The following RSRC1 variants were observed in gnomAD, a reference collection of about 807,000 sequenced individuals.
RSRC1 encodes the protein arginine and serine rich coiled-coil 1.
Under a neutral mutation model 49.1 loss-of-function variants are expected in RSRC1, and 39 were observed. That is an observed-to-expected ratio of 0.79 (90% CI 0.61 to 1.04). RSRC1 has a LOEUF of 1.04. RSRC1 is among the 50% of genes least tolerant of loss of function. The pLI is 0.00. For missense variants in RSRC1, 388 were observed against 402.4 expected, an observed-to-expected ratio of 0.96 and a Z score of 0.31; for synonymous variants, 143 against 130.8, an observed-to-expected ratio of 1.09 and a Z score of -0.63.
intron 3 of RSRC1, among the ~76,000 whole-genome samples, chr3:158,188,171 G>C (rs1271745913): frequency 6.6e-6 from 1 of 151,714 alleles, no homozygotes; most frequent in Non-Finnish European, 1.5e-5. Flanking sequence ...CTCCACTCTG[G>C]CTAGTGGGAA....
At chr3:158,425,209 G>A (rs1315146805) in intron 6 of RSRC1, among the ~76,000 whole-genome samples, 6 of 151,906 alleles carry the variant, frequency 3.9e-5, no homozygotes, top group Admixed American at 2.0e-4. Context: ...TTTGTCTTGT[G>A]GGCATTTAGT....
At position 158,265,631 on chromosome 3, in the gene RSRC1, C is replaced by CAA. The variant is rs63157561; in HGVS notation, c.495-32397_495-32396dup. 5.7e-3 allele frequency among the ~76,000 whole-genome samples: 847 copies of CAA among 147,878 alleles called. 11 individuals carry two copies. The highest frequency in any genetic ancestry group is 7.3e-3 in the South Asian group (34 of 4,632). On this transcript the variant is annotated intron_variant, in intron 4 of 9. Coordinates refer to ENST00000611884, the MANE Select transcript of RSRC1 (RefSeq NM_001271838.2). The stretch of plus-strand genomic sequence containing the variant: ...GGGTGACAACAGTGAAACTCAGTCT[C>CAA]AAAAAAAAAAAATTTTACTCCAATC...
intron 5 of RSRC1, among the ~76,000 whole-genome samples, chr3:158,338,831 T>C (rs1730061798): frequency 6.6e-6 from 1 of 152,182 alleles, no homozygotes; most frequent in African/African-American, 2.4e-5. Flanking sequence ...TCTGCCACCT[T>C]GTCAGCTTTG....
chr3:158,494,176 A>G lies in RSRC1; in HGVS notation c.652+33173A>G, dbSNP rs1739207281. ...GTATACTCTCACAAACCTAGGTGGTATAGCCTACTACACACCTCAACTATA... is the reference window on the plus strand; with the variant it reads ...GTATACTCTCACAAACCTAGGTGGTGTAGCCTACTACACACCTCAACTATA... On this transcript the variant is annotated intron_variant, in intron 7 of 9. Transcript: ENST00000611884. Among the ~76,000 whole-genome samples, 3 of 152,232 alleles carry G rather than the reference A, an allele frequency of 2.0e-5. No individual in the cohort carries two copies. The South Asian group carries it at 6.2e-4, about 31-fold the overall frequency.
intron 4 of RSRC1, among the ~76,000 whole-genome samples, chr3:158,273,957 T>A (rs1725662660): frequency 6.6e-6 from 1 of 152,164 alleles, no homozygotes; most frequent in African/African-American, 2.4e-5. Context: ...AGTGTAACAC[T>A]ACACAGATTT....
intron 6 of RSRC1, among the ~76,000 whole-genome samples, chr3:158,371,374 C>A (rs146353062): frequency 1.1e-3 from 166 of 151,814 alleles, no homozygotes; most frequent in Admixed American, 1.7e-3. Flanking sequence ...CCCAAATTCC[C>A]CCATACCCCT....
In RSRC1 at chr3:158,402,698, AAC is replaced by A. The variant is rs138355012; in HGVS notation, c.583+47792_583+47793del. 8.5e-3 allele frequency among the ~76,000 whole-genome samples: 1,294 copies of A among 151,934 alleles called. 14 individuals are homozygous for A. Among genetic ancestry groups the A allele is most frequent in the Non-Finnish European group, 0.012 (833 of 67,788 alleles). ...TAAACATTAATATAAGCTATTTTGT[AAC>A]AGTTTCTCTTTAAGTTAGAATATAA... is the stretch of plus-strand genomic sequence containing the variant. On this transcript the variant is annotated intron_variant, in intron 6 of 9. Transcript: ENST00000611884.
At chr3:158,495,827 T>C (rs1052910512) in intron 7 of RSRC1, among the ~76,000 whole-genome samples, 3 of 152,234 alleles carry the variant, frequency 2.0e-5, no homozygotes, top group East Asian at 3.8e-4. Context: ...AACAGCAGAA[T>C]TGAATAGTTG....
intron 6 of RSRC1, among the ~76,000 whole-genome samples, chr3:158,383,785 A>G (rs568395373): frequency 6.6e-6 from 1 of 152,316 alleles, no homozygotes; most frequent in South Asian, 2.1e-4. Flanking sequence ...ATAATGCATT[A>G]TAGAAAGATA....
intron 6 of RSRC1, among the ~76,000 whole-genome samples, chr3:158,443,870 A>T (rs1736523790): frequency 6.6e-6 from 1 of 152,114 alleles, no homozygotes; most frequent in African/African-American, 2.4e-5. Flanking sequence ...AGGGTTGCTG[A>T]TGGGCCTTAT....
chr3:158,343,537 A>G (rs1188995537), intron 5 of RSRC1, among the ~76,000 whole-genome samples: 1 of 152,232 alleles, frequency 6.6e-6, no homozygotes, highest in Non-Finnish European at 1.5e-5. Context: ...GTAGACAAGG[A>G]CATTATTAAT....
At chr3:158,169,352 A>G (rs1369260376) in intron 3 of RSRC1, among the ~76,000 whole-genome samples, 2 of 152,164 alleles carry the variant, frequency 1.3e-5, no homozygotes, top group Non-Finnish European at 2.9e-5. Flanking sequence ...GACTCCTGCT[A>G]TAGTTTACTG....
chr3:158,538,270 T>C (rs1006032683), intron 8 of RSRC1, among the ~76,000 whole-genome samples: 2 of 151,870 alleles, frequency 1.3e-5, no homozygotes, highest in African/African-American at 4.8e-5. Context: ...ATATACTACA[T>C]GTTAGGCATA....
chr3:158,339,326 GA>G (rs1730102947), intron 5 of RSRC1, among the ~76,000 whole-genome samples: 1 of 139,944 alleles, frequency 7.1e-6, no homozygotes, highest in Non-Finnish European at 1.5e-5. Flanking sequence ...AAAAAAAAAT[GA>G]TACTAATATT....
intron 4 of RSRC1, among the ~76,000 whole-genome samples, chr3:158,242,940 C>T (rs373040076): frequency 1.5e-4 from 23 of 151,826 alleles, no homozygotes; most frequent in Admixed American, 5.9e-4. Flanking sequence ...TTGTAGATGC[C>T]GGATATTAGA....
At chr3:158,276,529 T>G (rs1476882851) in intron 4 of RSRC1, 4 of 550,114 alleles carry the variant, frequency 7.3e-6, no homozygotes, top group Non-Finnish European at 1.3e-5. Flanking sequence ...TTTCTCAAAC[T>G]CTCAGTTTGT....
intron 7 of RSRC1, among the ~76,000 whole-genome samples, chr3:158,488,216 T>C (rs1480705724): frequency 6.6e-6 from 1 of 152,096 alleles, no homozygotes; most frequent in Admixed American, 6.5e-5. Flanking sequence ...AAGGGTGATA[T>C]GTAATTTTTA....
At chr3:158,314,659 C>CT (rs1320524260) in intron 5 of RSRC1, among the ~76,000 whole-genome samples, 1 of 152,078 alleles carries the variant, frequency 6.6e-6, no homozygotes, top group African/African-American at 2.4e-5. Flanking sequence ...GGAAACCTTG[C>CT]TGTATTGTCA....
intron 6 of RSRC1, among the ~76,000 whole-genome samples, chr3:158,366,970 T>G (rs2108261249): frequency 6.6e-6 from 1 of 152,336 alleles, no homozygotes. Flanking sequence ...ATAGGAATGC[T>G]TGTTATTTTT....
Sources: gnomAD v4.1 joint callset for allele counts (sites outside exome capture counted in the v4.1 genomes callset) on GRCh38, gnomAD v4.1.1 for gene constraint, MANE v1.5 for transcripts, NCBI Gene and HGNC (gene_info 2026-07-23, HGNC 2026-07-21) for gene names.